The following CDH3 variants were observed in gnomAD, a reference collection of about 807,000 sequenced individuals.
CDH3 encodes the protein cadherin-3.
In CDH3, 54 loss-of-function variants were observed where a neutral mutation model predicts 82.0. That is an observed-to-expected ratio of 0.66 (90% confidence interval 0.53 to 0.83). The LOEUF is 0.83. CDH3 is among the 40% of genes least tolerant of loss of function. The pLI is 0.00. For synonymous variants in CDH3, 446 were observed against 437.9 expected (o/e 1.02, Z -0.23); for missense variants, 1,054 against 1,084.6 (o/e 0.97, Z 0.40).
chr16:68,687,751 G>A lies in CDH3; in HGVS notation c.1795+15G>A, dbSNP rs778182386. On this transcript the variant is annotated intron_variant, in intron 12 of 15. Transcript: ENST00000264012. ...CAACGAGGAAGGTACCTGAGTGAGT[G>A]GTGGTAGCGGGTGGGGTGCCAGCCC... is the stretch of plus-strand genomic sequence containing the variant. The A allele has an allele frequency of 1.3e-6, 2 of 1,589,078 alleles. No homozygotes were observed. The highest frequency in any genetic ancestry group is 1.7e-6 in the Non-Finnish European group (2 of 1,157,994).
At chr16:68,691,673 C>T in intron 12 of CDH3, 47 bp from the exon 13 acceptor site, 1 of 1,445,232 alleles carries the variant, frequency 6.9e-7, no homozygotes, top group Non-Finnish European at 9.7e-7. Flanking sequence ...TACTCAGATC[C>T]CCGCACTGAT....
At chr16:68,680,381 A>C (rs1445601953) in intron 7 of CDH3, among the ~76,000 whole-genome samples, 1 of 152,196 alleles carries the variant, frequency 6.6e-6, no homozygotes, top group Non-Finnish European at 1.5e-5. Flanking sequence ...ATCCTCACTC[A>C]AAACTCTTTT....
downstream of CDH3, among the ~76,000 whole-genome samples, chr16:68,700,834 A>G (rs1961883428): frequency 6.6e-6 from 1 of 152,150 alleles, no homozygotes; most frequent in African/African-American, 2.4e-5. Context: ...AGCCCAGGCG[A>G]CAGAGTGAGA....
downstream of CDH3, among the ~76,000 whole-genome samples, chr16:68,732,080 G>A (rs529132269): frequency 1.1e-4 from 17 of 149,832 alleles, no homozygotes; most frequent in African/African-American, 4.2e-4. Flanking sequence ...CTGGAAGGGC[G>A]GCACCCCTAT....
At chr16:68,684,932 A>G (rs1961362573) in intron 10 of CDH3, 108 bp downstream of exon 10, 1 of 1,410,318 alleles carries the variant, frequency 7.1e-7, no homozygotes, top group Admixed American at 1.7e-5. Context: ...AAATAGGAAT[A>G]TCCCTCCTGC....
chr16:68,693,916 C>T (rs899887496), intron 13 of CDH3, among the ~76,000 whole-genome samples: 1 of 152,126 alleles, frequency 6.6e-6, no homozygotes, highest in Admixed American at 6.6e-5. Context: ...TCCAAATAGC[C>T]TGCCAGCCTT....
chr16:68,648,492 C>A (rs1249972260), intron 2 of CDH3, among the ~76,000 whole-genome samples: 1 of 151,530 alleles, frequency 6.6e-6, no homozygotes, highest in African/African-American at 2.4e-5. Flanking sequence ...TGTCACCCAG[C>A]CCAGGCTAGA....
chr16:68,674,468 C>T (rs984311479), intron 2 of CDH3, among the ~76,000 whole-genome samples: 9 of 152,036 alleles, frequency 5.9e-5, no homozygotes, highest in East Asian at 1.9e-4. Context: ...CATGGTGGCT[C>T]GTATCTGTAA....
At position 68,678,367 on chromosome 16, in the gene CDH3, G is replaced by A. The variant is rs1961095822; in HGVS notation, c.390+90G>A. 6 of 1,590,168 alleles carry A rather than the reference G, an allele frequency of 3.8e-6. No individual in the cohort carries two copies. The East Asian group carries it at 1.3e-4, about 36-fold the overall frequency. On this transcript the variant is annotated intron_variant, in intron 4 of 15. Transcript: ENST00000264012. Reference sequence around the variant, plus strand: ...TGAGATTTCTTGCTACTGAATGTGGGGGCTGAGACAGAAAAACCTCTCCTG... The same window carrying A: ...TGAGATTTCTTGCTACTGAATGTGGAGGCTGAGACAGAAAAACCTCTCCTG...
At chr16:68,694,366 A>G (rs1228478311) in intron 13 of CDH3, among the ~76,000 whole-genome samples, 1 of 151,606 alleles carries the variant, frequency 6.6e-6, no homozygotes, top group Non-Finnish European at 1.5e-5. Context: ...TCACACCTGT[A>G]ATCCCAGCAC....
intron 2 of CDH3, among the ~76,000 whole-genome samples, chr16:68,660,625 G>C (rs895321310): frequency 1.3e-5 from 2 of 152,234 alleles, no homozygotes; most frequent in Middle Eastern, 3.4e-3. Flanking sequence ...CTAAAGCCTA[G>C]GACAGGGTGG....
chr16:68,671,580 G>A (rs1960884661), intron 2 of CDH3, among the ~76,000 whole-genome samples: 2 of 144,708 alleles, frequency 1.4e-5, no homozygotes, highest in South Asian at 4.5e-4. Flanking sequence ...GGAGTGAGGT[G>A]GTGCGATCTC....
intron 9 of CDH3, among the ~76,000 whole-genome samples, chr16:68,683,772 A>T (rs932140692): frequency 4.0e-5 from 6 of 151,194 alleles, no homozygotes; most frequent in Non-Finnish European, 7.4e-5. Context: ...CTAAAAGTAT[A>T]AAAAATTCGC....
intron 2 of CDH3, among the ~76,000 whole-genome samples, chr16:68,661,937 C>T (rs1483985348): frequency 6.6e-6 from 1 of 152,178 alleles, no homozygotes; most frequent in African/African-American, 2.4e-5. Flanking sequence ...GTGATCTGCC[C>T]GTCTCAGCCT....
chr16:68,659,886 A>G (rs1415925950), intron 2 of CDH3, among the ~76,000 whole-genome samples: 1 of 152,114 alleles, frequency 6.6e-6, no homozygotes, highest in African/African-American at 2.4e-5. Flanking sequence ...CATGCATACA[A>G]ATGTTACTCT....
rs190095493 is a variant in CDH3, at chr16:68,683,435, A to C, written c.1182+948A>C. Among the ~76,000 whole-genome samples, 1,173 of 151,166 alleles carry C rather than the reference A, an allele frequency of 7.8e-3. 17 individuals carry two copies. The highest frequency in any genetic ancestry group is 0.026 in the African/African-American group (1,061 of 41,202). On this transcript the variant is annotated intron_variant, in intron 9 of 15. Coordinates refer to ENST00000264012, the MANE Select transcript of CDH3 (RefSeq NM_001793.6). ...GGGAGGCCGAGGTGGGTGGATCACG[A>C]GGTCAGGAGACCGAGACCATCCTGG...
chr16:68,676,585 G>T, intron 3 of CDH3, 115 bp downstream of exon 3: 1 of 793,232 alleles, frequency 1.3e-6, no homozygotes, highest in Non-Finnish European at 2.2e-6. Flanking sequence ...CAGCCCTTCA[G>T]AGGAGGTAGT....
intron 1 of CDH3, among the ~76,000 whole-genome samples, chr16:68,715,601 A>G (rs1962085860): frequency 6.6e-6 from 1 of 152,166 alleles, no homozygotes; most frequent in Admixed American, 6.6e-5. Flanking sequence ...CCCAATAGCA[A>G]GGCCAAGGTC....
At chr16:68,679,313 A>T (rs1006620577) in intron 6 of CDH3, among the ~76,000 whole-genome samples, 1 of 152,228 alleles carries the variant, frequency 6.6e-6, no homozygotes, top group Non-Finnish European at 1.5e-5. Context: ...CCATGTGCAG[A>T]CTGTTAGGTA....
Sources: allele counts gnomAD v4.1 joint callset (sites outside exome capture counted in the v4.1 genomes callset), GRCh38; gene constraint gnomAD v4.1.1; transcripts MANE v1.5; gene names NCBI Gene and HGNC (gene_info 2026-07-23, HGNC 2026-07-21).